Variants in ADGRL2 observed in about 807,000 individuals in gnomAD.
ADGRL2 encodes the protein adhesion G protein-coupled receptor L2, also known as calcium-independent alpha-latrotoxin receptor 2.
In ADGRL2, 44 loss-of-function variants were observed where a neutral mutation model predicts 157.4. The ratio of observed to expected loss-of-function variants is 0.28; its 90% CI spans 0.22 to 0.36. The LOEUF (loss-of-function observed/expected upper bound fraction) is 0.36. Ranked by LOEUF, ADGRL2 falls within the 10% of genes least tolerant of loss-of-function variation. The pLI is 1.00. For missense variants in ADGRL2, 1,510 were observed against 1,768.9 expected (o/e 0.85, Z 2.63); for synonymous variants, 585 against 624.7 (o/e 0.94, Z 0.95).
chr1:81,650,372 C>A (rs947196478), intron 3 of ADGRL2, among the ~76,000 whole-genome samples: 1 of 146,042 alleles, frequency 6.8e-6, no homozygotes, highest in Non-Finnish European at 1.5e-5. Context: ...GAGATCGAGA[C>A]CATCCTGGCC....
Position 81,951,947 on chromosome 1 carries a change from G to A in ADGRL2, c.1609-10G>A. On this transcript the variant is annotated splice_polypyrimidine_tract_variant and intron_variant, in intron 8 of 23. Coordinates refer to ENST00000686636, the MANE Select transcript of ADGRL2 (RefSeq NM_001366006.2). The stretch of plus-strand genomic sequence containing the variant: ...AAATTTAAATGAGATAATACAAATT[G>A]TTTTTTCAGATCAGAAGCGGAGAAA... 1 of 1,589,544 alleles carries A rather than the reference G, an allele frequency of 6.3e-7. No homozygotes were observed. The highest frequency in any genetic ancestry group is 8.6e-7 in the Non-Finnish European group (1 of 1,168,964).
chr1:81,339,363 ATG>A (rs1222267614), intron 1 of ADGRL2, among the ~76,000 whole-genome samples: 1 of 152,204 alleles, frequency 6.6e-6, no homozygotes, highest in African/African-American at 2.4e-5. Context: ...TCATACCCAT[ATG>A]TGTGTTGCAT....
intron 6 of ADGRL2, among the ~76,000 whole-genome samples, chr1:81,949,182 A>G (rs981234929): frequency 2.6e-5 from 4 of 152,238 alleles, no homozygotes; most frequent in African/African-American, 9.6e-5. Context: ...TTAAGAGCCA[A>G]TAATCTGTAA....
At chr1:81,390,506 GA>G (rs1173615911) in intron 1 of ADGRL2, among the ~76,000 whole-genome samples, 2 of 152,000 alleles carry the variant, frequency 1.3e-5, no homozygotes, top group Non-Finnish European at 2.9e-5. Context: ...AGATACAAAT[GA>G]TTCATGCTTA....
intron 2 of ADGRL2, among the ~76,000 whole-genome samples, chr1:81,517,058 G>A (rs1256660776): frequency 2.6e-5 from 4 of 152,114 alleles, no homozygotes; most frequent in Middle Eastern, 3.4e-3. Flanking sequence ...TATTGATTAA[G>A]AATCATATTC....
rs556861990 is a variant in ADGRL2, at chr1:81,927,445, G to A, written c.288-9283G>A. ...CACAGGTGCAATTTTAAAAAATCAG[G>A]ATTATATTTAAAACTTTAAAAAAGT... On this transcript the variant is annotated intron_variant, in intron 3 of 23. Coordinates refer to ENST00000686636, the MANE Select transcript of ADGRL2 (RefSeq NM_001366006.2). 1.1e-4 allele frequency among the ~76,000 whole-genome samples: 17 copies of A among 151,882 alleles called. No individual in the cohort carries two copies. In the East Asian group the frequency reaches 2.9e-3, roughly 26 times the overall value.
intron 2 of ADGRL2, among the ~76,000 whole-genome samples, chr1:81,471,248 C>T (rs569116380): frequency 3.9e-5 from 6 of 152,154 alleles, no homozygotes; most frequent in African/African-American, 1.4e-4. Flanking sequence ...TTCTTCAGAC[C>T]ACCACAAATC....
chr1:81,540,383 C>T (rs12144666), intron 2 of ADGRL2, among the ~76,000 whole-genome samples: 5,312 of 152,294 alleles, frequency 0.035, 117 homozygotes, highest in Admixed American at 0.068. Context: ...CAGACACTGA[C>T]TTAGACACTA....
At chr1:81,950,093 TGTG>T in intron 6 of ADGRL2, 93 bp from the exon 7 acceptor site, 1 of 853,218 alleles carries the variant, frequency 1.2e-6, no homozygotes, top group Non-Finnish European at 1.8e-6. Flanking sequence ...GGTAGGGTTT[TGTG>T]TGTGTGTGTG....
chr1:81,766,904 C>A (rs1318776853), intron 2 of ADGRL2, among the ~76,000 whole-genome samples: 1 of 151,078 alleles, frequency 6.6e-6, no homozygotes, highest in Non-Finnish European at 1.5e-5. Flanking sequence ...TACCACCAAC[C>A]AGTTTAAGAA....
intron 3 of ADGRL2, among the ~76,000 whole-genome samples, chr1:81,689,434 C>T (rs1014477057): frequency 6.6e-6 from 1 of 152,152 alleles, no homozygotes; most frequent in Admixed American, 6.5e-5. Flanking sequence ...AGGACCCAAG[C>T]CTGTGGCAGA....
chr1:81,505,160 G>A (rs1306120583), intron 2 of ADGRL2: 13 of 489,858 alleles, frequency 2.7e-5, no homozygotes, highest in Middle Eastern at 5.6e-4. Flanking sequence ...GCTCAACTGC[G>A]TCTTCTCTCA....
At chr1:81,459,403 C>T (rs1287584129) in intron 2 of ADGRL2, among the ~76,000 whole-genome samples, 1 of 152,132 alleles carries the variant, frequency 6.6e-6, no homozygotes, top group East Asian at 1.9e-4. Flanking sequence ...CAAGTAGAAT[C>T]AAGTAGGATC....
intron 1 of ADGRL2, among the ~76,000 whole-genome samples, chr1:81,805,238 C>T (rs911076831): frequency 1.3e-5 from 2 of 151,862 alleles, no homozygotes; most frequent in African/African-American, 4.8e-5. Context: ...AGAACAAGTG[C>T]TTGGGTCATT....
intron 3 of ADGRL2, chr1:81,585,924 A>G (rs1364769871): frequency 6.6e-6 from 1 of 152,024 alleles, no homozygotes; most frequent in Non-Finnish European, 1.5e-5. Flanking sequence ...AAAATGTGCT[A>G]TAGCAGAACA....
At chr1:81,930,642 C>T (rs1022253297) in intron 3 of ADGRL2, among the ~76,000 whole-genome samples, 3 of 152,152 alleles carry the variant, frequency 2.0e-5, no homozygotes, top group Admixed American at 6.6e-5. Flanking sequence ...TAAATACTTA[C>T]TCTAATTTTT....
chr1:81,463,012 G>A (rs2101816913), intron 2 of ADGRL2, among the ~76,000 whole-genome samples: 2 of 151,054 alleles, frequency 1.3e-5, no homozygotes. Context: ...GTACTCAGAA[G>A]GCTGAGGCAG....
chr1:81,891,229 T>G (rs938743014), intron 2 of ADGRL2, among the ~76,000 whole-genome samples: 1 of 151,938 alleles, frequency 6.6e-6, no homozygotes, highest in Non-Finnish European at 1.5e-5. Context: ...TGTTTTTTAT[T>G]CTATTACATT....
intron 3 of ADGRL2, among the ~76,000 whole-genome samples, chr1:81,681,417 C>T (rs529198134): frequency 6.6e-6 from 1 of 152,296 alleles, no homozygotes; most frequent in East Asian, 1.9e-4. Context: ...AGGAAGAATG[C>T]ATGTGTGAGT....
Sources: gnomAD v4.1 joint callset for allele counts (sites outside exome capture counted in the v4.1 genomes callset) on GRCh38, gnomAD v4.1.1 for gene constraint, MANE v1.5 for transcripts, NCBI Gene and HGNC (gene_info 2026-07-23, HGNC 2026-07-21) for gene names.